The following ARMC8 variants were observed in gnomAD, a reference collection of about 807,000 sequenced individuals.
The protein encoded by ARMC8 is armadillo repeat-containing protein 8.
In ARMC8, 20 loss-of-function variants were observed where a neutral mutation model predicts 99.3. The observed-to-expected ratio is 0.20, with a 90% CI of 0.14 to 0.29. The LOEUF (loss-of-function observed/expected upper bound fraction) is 0.29, where lower values mean the gene tolerates loss of function less well. Among genes scored for constraint, ARMC8 ranks in the 10% least tolerant of loss-of-function variants. The pLI, the probability that ARMC8 is intolerant of heterozygous loss-of-function variation, is 1.00. For missense variants in ARMC8, 569 were observed against 809.5 expected (o/e 0.70, Z 3.60); for synonymous variants, 263 against 278.3 (o/e 0.95, Z 0.55).
intron 2 of ARMC8, among the ~76,000 whole-genome samples, chr3:138,217,799 G>A (rs1030588363): frequency 3.3e-5 from 5 of 152,160 alleles, no homozygotes; most frequent in Non-Finnish European, 7.4e-5. Context: ...AATTCAGTGT[G>A]TACAAAGTCA....
intron 11 of ARMC8, among the ~76,000 whole-genome samples, chr3:138,243,196 A>C (rs1240190874): frequency 6.6e-6 from 1 of 152,236 alleles, no homozygotes. Context: ...TAGCCTATGC[A>C]TATGCAAATC....
At chr3:138,254,205 A>G (rs1175920205) in intron 12 of ARMC8, among the ~76,000 whole-genome samples, 1 of 152,346 alleles carries the variant, frequency 6.6e-6, no homozygotes, top group East Asian at 1.9e-4. Context: ...ATGGGAATAG[A>G]ATTAAACTTC....
chr3:138,290,733 T>TA, intron 21 of ARMC8, 94 bp downstream of exon 21: 1 of 791,786 alleles, frequency 1.3e-6, no homozygotes, highest in Non-Finnish European at 2.0e-6. Flanking sequence ...CCATACTTTT[T>TA]AAAATCTTTT....
rs920764033 is a variant in ARMC8, at chr3:138,282,858, C to T, written c.1726-1573C>T. Among the ~76,000 whole-genome samples, 3 of 152,160 alleles carry T rather than the reference C, an allele frequency of 2.0e-5. No homozygotes were observed. The South Asian group carries it at 6.2e-4, about 32-fold the overall frequency. ...GTCTGCCCCTTCATAAGATCTTTTC[C>T]GCAAGAGACTAACCAAAAAGAGTGC... On this transcript the variant is annotated intron_variant, in intron 18 of 21. Transcript: ENST00000469044.
intron 6 of ARMC8, among the ~76,000 whole-genome samples, chr3:138,229,864 T>C (rs1240741216): frequency 1.3e-5 from 2 of 152,216 alleles, no homozygotes; most frequent in African/African-American, 4.8e-5. Flanking sequence ...CATCCTATCA[T>C]TTATAATACA....
rs762260668 is a variant in ARMC8, at chr3:138,284,482, A to C, written c.1777A>C (p.Ile593Leu). 6.2e-7 allele frequency: 1 copy of C among 1,613,804 alleles called. No individual in the cohort carries two copies. The highest frequency in any genetic ancestry group is 8.5e-7 in the Non-Finnish European group (1 of 1,179,680). ...IADGTTAKDL[I>L]MTNDDILQKI... ...GGATGGGACAACAGCAAAAGATCTT[A>C]TTATGACCAATGATGATATCCTACA... Residue 593 changes from isoleucine to leucine, a missense_variant, in exon 19 of 22, where the codon ATT (isoleucine) becomes CTT (leucine). By Grantham distance (5) the Ile-to-Leu change is conservative. Around this residue, in one of 2 missense-constraint regions of ARMC8, gnomAD observed 227 missense variants for 417.9 expected, o/e 0.54. Coordinates refer to ENST00000469044, the MANE Select transcript of ARMC8 (RefSeq NM_001363941.2).
intron 2 of ARMC8, among the ~76,000 whole-genome samples, chr3:138,221,171 A>G (rs2045372189): frequency 6.6e-6 from 1 of 152,240 alleles, no homozygotes; most frequent in African/African-American, 2.4e-5. Context: ...TATAGCTAGA[A>G]TAAAAAATAC....
chr3:138,205,315 C>T (rs1313641670), intron 1 of ARMC8, among the ~76,000 whole-genome samples: 1 of 151,892 alleles, frequency 6.6e-6, no homozygotes, highest in African/African-American at 2.4e-5. Flanking sequence ...TCCTAAAGTG[C>T]TGGGATTACA....
chr3:138,229,166 A>ATG lies in ARMC8; in HGVS notation c.528+157_528+158insGT, dbSNP rs1559957852. 39 of 76,548 alleles carry ATG rather than the reference A, an allele frequency of 5.1e-4. 1 individual carries two copies. The highest frequency in any genetic ancestry group is 5.7e-3 in the Middle Eastern group (1 of 174). 4.7% of individuals were successfully genotyped at this position (76,548 alleles called of 1,614,324 possible). On this transcript the variant is annotated intron_variant, in intron 6 of 21. Coordinates refer to ENST00000469044, the MANE Select transcript of ARMC8 (RefSeq NM_001363941.2). ...TATATATATATATATATATATATAT[A>ATG]TATATATATATATATATGTATATGT...
chr3:138,198,224 G>T (rs2043848394), intron 1 of ARMC8, among the ~76,000 whole-genome samples: 1 of 151,960 alleles, frequency 6.6e-6, no homozygotes, highest in Non-Finnish European at 1.5e-5. Context: ...AGTAAAGGCT[G>T]CTCTTCATAT....
chr3:138,213,952 G>A (rs2044856218), intron 2 of ARMC8, among the ~76,000 whole-genome samples: 1 of 151,990 alleles, frequency 6.6e-6, no homozygotes, highest in African/African-American at 2.4e-5. Context: ...CTTGAACCCA[G>A]GAGTTCCAGC....
At chr3:138,262,722 C>A (rs1202332512) in intron 12 of ARMC8, 1 of 893,142 alleles carries the variant, frequency 1.1e-6, no homozygotes, top group Non-Finnish European at 1.6e-6. Context: ...TCTGCAAGGA[C>A]AACCAAGGTT....
intron 2 of ARMC8, among the ~76,000 whole-genome samples, chr3:138,215,604 A>G (rs887999407): frequency 4.6e-5 from 7 of 152,212 alleles, no homozygotes; most frequent in African/African-American, 1.7e-4. Flanking sequence ...GTTCCTTGGA[A>G]TGATTAAATA....
intron 2 of ARMC8, among the ~76,000 whole-genome samples, chr3:138,218,613 C>T (rs1223954755): frequency 6.6e-6 from 1 of 152,230 alleles, no homozygotes; most frequent in Non-Finnish European, 1.5e-5. Flanking sequence ...GCTTATTGAG[C>T]ATCTACTTTT....
intron 6 of ARMC8, among the ~76,000 whole-genome samples, chr3:138,234,413 C>G (rs2046225490): frequency 1.3e-5 from 2 of 152,100 alleles, no homozygotes; most frequent in African/African-American, 4.8e-5. Context: ...CCTGGCTGAA[C>G]CAATACTTTT....
intron 21 of ARMC8, among the ~76,000 whole-genome samples, chr3:138,292,055 G>A (rs1164232698): frequency 2.0e-5 from 3 of 150,494 alleles, no homozygotes; most frequent in Non-Finnish European, 4.4e-5. Context: ...CTTTTCTTTC[G>A]AGATGGAGTT....
intron 12 of ARMC8, among the ~76,000 whole-genome samples, chr3:138,255,782 C>G (rs964666124): frequency 1.3e-5 from 2 of 152,288 alleles, no homozygotes; most frequent in Non-Finnish European, 1.5e-5. Flanking sequence ...GAGCTCAAGA[C>G]CAGCCTGGCC....
At chr3:138,280,743 C>T (rs1251066751) in intron 18 of ARMC8, among the ~76,000 whole-genome samples, 1 of 152,108 alleles carries the variant, frequency 6.6e-6, no homozygotes, top group Admixed American at 6.5e-5. Context: ...CCACCCACCT[C>T]GGCCTCCCAC....
chr3:138,252,208 T>G (rs2047149432), intron 12 of ARMC8, among the ~76,000 whole-genome samples: 2 of 152,134 alleles, frequency 1.3e-5, no homozygotes, highest in Non-Finnish European at 2.9e-5. Context: ...GTTGGGGGAA[T>G]TAAAAGAAGA....
Sources: gnomAD v4.1 joint callset for allele counts (sites outside exome capture counted in the v4.1 genomes callset) on GRCh38, gnomAD v4.1.1 for gene constraint, gnomAD v4.1.1 regional missense constraint, MANE v1.5 for transcripts, NCBI Gene and HGNC (gene_info 2026-07-23, HGNC 2026-07-21) for gene names.